TRIM62: variants seen among roughly 807,000 people sequenced by gnomAD.
TRIM62 encodes the protein E3 ubiquitin-protein ligase TRIM62.
A neutral mutation model predicts 44.2 loss-of-function variants in TRIM62; 39 were observed. The ratio of observed to expected loss-of-function variants is 0.88; its 90% CI spans 0.68 to 1.15. The LOEUF (loss-of-function observed/expected upper bound fraction) is 1.15, where lower values mean the gene tolerates loss of function less well. Among genes scored for constraint, TRIM62 ranks in the 50% most tolerant of loss-of-function variants. The pLI is 0.00. For missense variants in TRIM62, 544 were observed against 665.5 expected (o/e 0.82, Z 2.01); for synonymous variants, 278 against 292.3 (o/e 0.95, Z 0.50).
intron 3 of TRIM62, 57 bp from the exon 4 acceptor site, chr1:33,158,425 C>A: frequency 6.7e-7 from 1 of 1,503,592 alleles, no homozygotes; most frequent in Non-Finnish European, 9.2e-7. Context: ...GCCCCAATGC[C>A]AGGGGCCCCG....
Position 33,179,688 on chromosome 1 carries a change from G to C in TRIM62, c.408+1337C>G, listed in dbSNP as rs138785426. Among the ~76,000 whole-genome samples the C allele has an allele frequency of 3.5e-4, 53 of 152,264 alleles. 1 individual carries two copies. In the East Asian group the frequency reaches 0.01, roughly 29 times the overall value. On this transcript the variant is annotated intron_variant, in intron 1 of 4. Transcript: ENST00000291416. ...GCACCAGGCTTTGGGGCCATAGATA[G>C]GAGAAATAAGATTCTGTCTCTGGCC...
Position 33,147,573 on chromosome 1 carries a change from T to C in TRIM62, c.1032A>G (p.Glu344=). The C allele has an allele frequency of 6.2e-7, 1 of 1,614,096 alleles. No individual in the cohort carries two copies. Among genetic ancestry groups the C allele is most frequent in the Non-Finnish European group, 8.5e-7 (1 of 1,180,034 alleles). The change falls in exon 5 of 5, where the codon GAA becomes GAG. Residue 344 remains glutamate, a synonymous_variant. Transcript: ENST00000291416. The surrounding 1 kb of genome is among the most constrained non-coding windows in gnomAD (Gnocchi z 8.1). ...FDVEVSVLGS[E]AFSSGVHYWE... Reference sequence around the variant, plus strand: ...AGTAGTGGACGCCACTACTGAAGGCTTCAGAACCCAGCACCGACACCTCCA... The same window carrying C: ...AGTAGTGGACGCCACTACTGAAGGCCTCAGAACCCAGCACCGACACCTCCA...
rs959751306 is a variant in TRIM62, at chr1:33,181,714, G to C, written c.-282C>G. The C allele has an allele frequency of 1.2e-5, 6 of 480,246 alleles. No individual in the cohort carries two copies. The highest frequency in any genetic ancestry group is 2.2e-5 in the Non-Finnish European group (6 of 273,384). The allele number at this position is 480,246 out of a possible 1,614,324, so 29.7% of individuals were successfully genotyped here. A position where few individuals can be genotyped will look rare whatever the true frequency, so the allele number is the denominator to read the frequency against. ...GGGAGGAGGCTGTGAGCGGCTGAGGGACGGAGATCCTGACGGGGAGGTTCT... is the reference window on the plus strand; with the variant it reads ...GGGAGGAGGCTGTGAGCGGCTGAGGCACGGAGATCCTGACGGGGAGGTTCT... On this transcript the variant is annotated 5_prime_UTR_variant, in exon 1 of 5. Transcript: ENST00000291416. This position sits in a 1 kb window ranked among gnomAD's most constrained non-coding sequence, Gnocchi z 6.5.
chr1:33,175,992 G>C (rs1645416224), intron 1 of TRIM62, among the ~76,000 whole-genome samples: 1 of 152,136 alleles, frequency 6.6e-6, no homozygotes. Context: ...AGGTATCCTG[G>C]CTGCCCAGAC....
In TRIM62 at chr1:33,161,866, C is replaced by T. The variant is rs988531779; in HGVS notation, c.505-1922G>A. Among the ~76,000 whole-genome samples the T allele has an allele frequency of 6.6e-6, 1 of 152,174 alleles. No individual in the cohort carries two copies. The highest frequency in any genetic ancestry group is 2.4e-5 in the African/African-American group (1 of 41,448). ...TGCCTCCCATCTCTGTGACTGCTGC[C>T]TCTCTGCCTCCCATGTTCCTCGGGG... On this transcript the variant is annotated intron_variant, in intron 2 of 4. Coordinates refer to ENST00000291416, the MANE Select transcript of TRIM62 (RefSeq NM_018207.3). The surrounding 1 kb of genome is among the most constrained non-coding windows in gnomAD (Gnocchi z 4.3).
chr1:33,170,775 G>C (rs991621975), intron 1 of TRIM62, among the ~76,000 whole-genome samples: 3 of 152,136 alleles, frequency 2.0e-5, no homozygotes, highest in Non-Finnish European at 4.4e-5. Flanking sequence ...CCACCCATTG[G>C]GCTGTGTGAC....
rs781113033 is a variant in TRIM62 at position 33,165,591 on chromosome 1, G to A, written c.409-25C>T. On this transcript the variant is annotated intron_variant, in intron 1 of 4. Transcript: ENST00000291416. This position sits in a 1 kb window ranked among gnomAD's most constrained non-coding sequence, Gnocchi z 4.0. ...TCTGAAACACACACAGGGCCGGGAT[G>A]GGGGCAGGGGCCATGCCTGGCCCAG... The A allele has an allele frequency of 6.3e-7, 1 of 1,581,790 alleles. No individual in the cohort carries two copies. The highest frequency in any genetic ancestry group is 8.6e-7 in the Non-Finnish European group (1 of 1,160,778).
rs1557762488 is a variant in TRIM62, at chr1:33,174,977, A to G, written c.408+6048T>C. ...TATATATATATATATATACACACAT[A>G]TACATATATATGCACACACACATGT... On this transcript the variant is annotated intron_variant, in intron 1 of 4. Coordinates refer to ENST00000291416, the MANE Select transcript of TRIM62 (RefSeq NM_018207.3). Among the ~76,000 whole-genome samples, 382 of 136,286 alleles carry G rather than the reference A, an allele frequency of 2.8e-3. 5 individuals are homozygous for G. Among genetic ancestry groups the G allele is most frequent in the African/African-American group, 9.7e-3 (360 of 36,966 alleles). The allele number at this position is 136,286 out of a possible 152,430, so 89.4% of individuals were successfully genotyped here. A position where few individuals can be genotyped will look rare whatever the true frequency, so the allele number is the denominator to read the frequency against.
At chr1:33,179,438 G>A (rs1023068915) in intron 1 of TRIM62, among the ~76,000 whole-genome samples, 1 of 152,200 alleles carries the variant, frequency 6.6e-6, no homozygotes, top group Non-Finnish European at 1.5e-5. Flanking sequence ...GGGGTTGGGA[G>A]CCCCTACAAT....
Position 33,147,211 on chromosome 1 carries a change from A to C in TRIM62, c.1394T>G (p.Val465Gly). Residue 465 changes from valine to glycine, a missense_variant, in exon 5 of 5, where the codon GTT becomes GGT. Val to Gly is a moderately radical substitution (Grantham distance 109). Coordinates refer to ENST00000291416, the MANE Select transcript of TRIM62 (RefSeq NM_018207.3). The surrounding 1 kb of genome is among the most constrained non-coding windows in gnomAD (Gnocchi z 8.1). Reference sequence around the variant, plus strand: ...GACGGTGTTGATCCGCAGCGGCTGAACGTTCTTGCCATTGGCGTGGCTCTG... The same window carrying C: ...GACGGTGTTGATCCGCAGCGGCTGACCGTTCTTGCCATTGGCGTGGCTCTG... ...PGQSHANGKN[V>G]QPLRINTVRI 1.9e-6 allele frequency: 3 copies of C among 1,613,840 alleles called. No individual in the cohort carries two copies. Among genetic ancestry groups the C allele is most frequent in the South Asian group, 1.1e-5 (1 of 91,078 alleles).
At position 33,181,607 on chromosome 1, in the gene TRIM62, G is replaced by A. The variant is rs1486567560; in HGVS notation, c.-175C>T. On this transcript the variant is annotated 5_prime_UTR_variant, in exon 1 of 5. Transcript: ENST00000291416. This position sits in a 1 kb window ranked among gnomAD's most constrained non-coding sequence, Gnocchi z 6.5. ...TCCGGAAGGAGGGTAACGCGAGGAA[G>A]GGGTGCGCGGCTGAGACTCCGTGGG... The A allele has an allele frequency of 4.0e-6, 5 of 1,242,784 alleles. No homozygotes were observed. Among genetic ancestry groups the A allele is most frequent in the Non-Finnish European group, 5.3e-6 (5 of 939,072 alleles). The allele number at this position is 1,242,784 out of a possible 1,614,324, so 77.0% of individuals were successfully genotyped here. A position where few individuals can be genotyped will look rare whatever the true frequency, so the allele number is the denominator to read the frequency against.
At chr1:33,178,261 G>C (rs747751820) in intron 1 of TRIM62, among the ~76,000 whole-genome samples, 17 of 152,222 alleles carry the variant, frequency 1.1e-4, no homozygotes, top group Admixed American at 6.5e-5. Flanking sequence ...ATCAGCTGCT[G>C]GGAGAGAAGG....
intron 1 of TRIM62, 72 bp downstream of exon 1, chr1:33,180,953 T>TGGGGGGG: frequency 2.8e-6 from 2 of 724,330 alleles, no homozygotes; most frequent in Non-Finnish European, 3.9e-6. Context: ...GGTCCAGCCC[T>TGGGGGGG]GACCCCACCC....
intron 2 of TRIM62, among the ~76,000 whole-genome samples, chr1:33,160,364 T>A (rs1050986582): frequency 6.6e-6 from 1 of 151,998 alleles, no homozygotes; most frequent in African/African-American, 2.4e-5. Flanking sequence ...GTGAAGATGT[T>A]CTCTCAAGGA....
chr1:33,151,735 A>C (rs1645101169), intron 4 of TRIM62, among the ~76,000 whole-genome samples: 1 of 152,226 alleles, frequency 6.6e-6, no homozygotes, highest in African/African-American at 2.4e-5. Context: ...CATTCATTTA[A>C]GCATCTCTGA....
At position 33,177,440 on chromosome 1, in the gene TRIM62, G is replaced by A. The variant is rs115790846; in HGVS notation, c.408+3585C>T. On this transcript the variant is annotated intron_variant, in intron 1 of 4. Transcript: ENST00000291416. The surrounding 1 kb of genome is among the most constrained non-coding windows in gnomAD (Gnocchi z 4.1). ...AGGAGCCTTAGAGAAGCAAAGTGAC[G>A]TGACCAAGGACACACAGCATGTCAG... Among the ~76,000 whole-genome samples, 1,310 of 152,226 alleles carry A rather than the reference G, an allele frequency of 8.6e-3. 12 individuals are homozygous for A. The highest frequency in any genetic ancestry group is 0.03 in the African/African-American group (1,250 of 41,524).
Position 33,181,873 on chromosome 1 carries a change from G to C in TRIM62, c.-441C>G, listed in dbSNP as rs1233792491. ...CGAGAAGCTGGGGATGGGGAATCCT[G>C]GGGGAGGGGGCAGCCAGGCCGAGCC... is the stretch of plus-strand genomic sequence containing the variant. On this transcript the variant is annotated 5_prime_UTR_variant, in exon 1 of 5. Coordinates refer to ENST00000291416, the MANE Select transcript of TRIM62 (RefSeq NM_018207.3). This position sits in a 1 kb window ranked among gnomAD's most constrained non-coding sequence, Gnocchi z 6.5. The C allele has an allele frequency of 6.0e-6, 1 of 167,606 alleles. No homozygotes were observed. The highest frequency in any genetic ancestry group is 1.3e-5 in the Non-Finnish European group (1 of 78,134). 10.4% of individuals were successfully genotyped at this position (167,606 alleles called of 1,614,324 possible). A position where few individuals can be genotyped will look rare whatever the true frequency, so the allele number is the denominator to read the frequency against.
intron 3 of TRIM62, among the ~76,000 whole-genome samples, chr1:33,158,914 C>T (rs756796342): frequency 1.1e-4 from 16 of 151,842 alleles, no homozygotes; most frequent in Non-Finnish European, 2.1e-4. Context: ...GATCTCAGCT[C>T]ACTGCAACCT....
rs573236678 is a variant in TRIM62 at position 33,172,557 on chromosome 1, G to T, written c.409-6991C>A. The stretch of plus-strand genomic sequence containing the variant: ...CAGGGCCCCATCGGAGCGGGGGTGG[G>T]CCGGGCAGGATGAGGTGAGTGGGGA... On this transcript the variant is annotated intron_variant, in intron 1 of 4. Coordinates refer to ENST00000291416, the MANE Select transcript of TRIM62 (RefSeq NM_018207.3). Among the ~76,000 whole-genome samples the T allele has an allele frequency of 6.6e-5, 10 of 152,276 alleles. No individual in the cohort carries two copies. In the South Asian group the frequency reaches 2.1e-3, roughly 32 times the overall value.
Sources: allele counts gnomAD v4.1 joint callset (sites outside exome capture counted in the v4.1 genomes callset), GRCh38; gene constraint gnomAD v4.1.1; non-coding constraint Gnocchi (gnomAD v3.1); transcripts MANE v1.5; gene names NCBI Gene and HGNC (gene_info 2026-07-23, HGNC 2026-07-21).